DAPP1: variants seen among roughly 807,000 people sequenced by gnomAD.
The protein encoded by DAPP1 is dual adapter for phosphotyrosine and 3-phosphotyrosine and 3-phosphoinositide.
A neutral mutation model predicts 41.5 loss-of-function variants in DAPP1; 20 were observed. The observed-to-expected ratio is 0.48, with a 90% CI of 0.34 to 0.70. The LOEUF (loss-of-function observed/expected upper bound fraction) is 0.70. Among genes scored for constraint, DAPP1 ranks in the 30% least tolerant of loss-of-function variants. The pLI, the probability that DAPP1 is intolerant of heterozygous loss-of-function variation, is 0.01. For synonymous variants in DAPP1, 113 were observed against 116.2 expected, an observed-to-expected ratio of 0.97 and a Z score of 0.18; for missense variants, 233 against 333.4, an observed-to-expected ratio of 0.70 and a Z score of 2.35.
intron 3 of DAPP1, chr4:99,844,189 C>G (rs1173071729): frequency 6.6e-6 from 1 of 152,116 alleles, no homozygotes; most frequent in Non-Finnish European, 1.5e-5. Context: ...AAGAGGGAAA[C>G]AGGGAAGCTA....
chr4:99,823,831 TA>T (rs1429064763), intron 1 of DAPP1, among the ~76,000 whole-genome samples: 5 of 152,076 alleles, frequency 3.3e-5, no homozygotes, highest in Admixed American at 3.3e-4. Flanking sequence ...ACTAGAGTGC[TA>T]ACCCGGGAAT....
intron 1 of DAPP1, among the ~76,000 whole-genome samples, chr4:99,823,291 A>G (rs1032258142): frequency 3.9e-5 from 6 of 152,042 alleles, no homozygotes; most frequent in African/African-American, 1.4e-4. Flanking sequence ...GTATATCTGA[A>G]TTTATTTATA....
chr4:99,858,112 G>A (rs1354179983), intron 4 of DAPP1, among the ~76,000 whole-genome samples: 2 of 152,108 alleles, frequency 1.3e-5, no homozygotes, highest in East Asian at 3.9e-4. Context: ...AATTAACATT[G>A]AGGCTGTGCC....
chr4:99,852,405 T>A (rs4699388), intron 3 of DAPP1, among the ~76,000 whole-genome samples: 13,308 of 152,206 alleles, frequency 0.087, 624 homozygotes, highest in Non-Finnish European at 0.11. Flanking sequence ...ATTGACTGAT[T>A]GATTGAGGGA....
chr4:99,835,397 T>C (rs986067885), intron 1 of DAPP1, among the ~76,000 whole-genome samples: 3 of 152,106 alleles, frequency 2.0e-5, no homozygotes, highest in Admixed American at 6.5e-5. Context: ...ACATAAGAAC[T>C]TTCAGGACAC....
intron 1 of DAPP1, among the ~76,000 whole-genome samples, chr4:99,818,579 C>A (rs971795121): frequency 6.6e-6 from 1 of 152,090 alleles, no homozygotes; most frequent in African/African-American, 2.4e-5. Context: ...ATGATGTCAA[C>A]AGCAAGAAGC....
intron 1 of DAPP1, among the ~76,000 whole-genome samples, chr4:99,832,723 T>C (rs530359229): frequency 6.6e-6 from 1 of 152,374 alleles, no homozygotes; most frequent in East Asian, 1.9e-4. Flanking sequence ...TAAAACATTA[T>C]TAGTAAAAAC....
chr4:99,868,074 C>A, intron 8 of DAPP1, 43 bp from the exon 9 acceptor site: 1 of 1,533,938 alleles, frequency 6.5e-7, no homozygotes, highest in Non-Finnish European at 9.0e-7. Flanking sequence ...GGGTTCATTA[C>A]AATCACTCAA....
intron 5 of DAPP1, among the ~76,000 whole-genome samples, chr4:99,862,648 A>G (rs553724349): frequency 7.7e-4 from 118 of 152,304 alleles, no homozygotes; most frequent in Non-Finnish European, 1.2e-3. Context: ...GTGGTTTGTT[A>G]TAAGTCACAT....
rs183573291 is a variant in DAPP1 at position 99,838,967 on chromosome 4, G to A, written c.225-1322G>A. On this transcript the variant is annotated intron_variant, in intron 2 of 8. Coordinates refer to ENST00000512369, the MANE Select transcript of DAPP1 (RefSeq NM_014395.3). ...GGTGGTACTTGAACTGCACCTTAAT[G>A]AGTGGCTGGGATTTCTACCAGCAGA... is the stretch of plus-strand genomic sequence containing the variant. Among the ~76,000 whole-genome samples the A allele has an allele frequency of 9.2e-5, 14 of 152,304 alleles. No individual in the cohort carries two copies. In the East Asian group the frequency reaches 2.7e-3, roughly 29 times the overall value.
At chr4:99,823,774 C>T (rs1578342312) in intron 1 of DAPP1, among the ~76,000 whole-genome samples, 1 of 152,044 alleles carries the variant, frequency 6.6e-6, no homozygotes, top group Non-Finnish European at 1.5e-5. Flanking sequence ...GGGGCTAGAG[C>T]CAAGATAGTG....
chr4:99,847,783 G>A (rs992032454), intron 3 of DAPP1, among the ~76,000 whole-genome samples: 3 of 148,210 alleles, frequency 2.0e-5, no homozygotes, highest in South Asian at 2.1e-4. Flanking sequence ...AGAGTCTGTG[G>A]TAGCGACAGT....
At chr4:99,856,959 T>C (rs1214283705) in intron 4 of DAPP1, among the ~76,000 whole-genome samples, 1 of 152,190 alleles carries the variant, frequency 6.6e-6, no homozygotes, top group Non-Finnish European at 1.5e-5. Flanking sequence ...TGAAGGGAAA[T>C]ATTTCTTTAT....
At chr4:99,842,852 CTTT>C (rs1297681743) in intron 3 of DAPP1, among the ~76,000 whole-genome samples, 4 of 137,632 alleles carry the variant, frequency 2.9e-5, no homozygotes, top group Non-Finnish European at 4.7e-5. Context: ...ATATTTCTTT[CTTT>C]TTTTTTTTTT....
At chr4:99,846,965 A>T (rs757436249) in intron 3 of DAPP1, among the ~76,000 whole-genome samples, 1 of 152,180 alleles carries the variant, frequency 6.6e-6, no homozygotes, top group Non-Finnish European at 1.5e-5. Flanking sequence ...CAAGAAATCT[A>T]CTTCTCATTG....
chr4:99,860,427 C>T (rs1393901109), intron 4 of DAPP1, among the ~76,000 whole-genome samples: 1 of 152,196 alleles, frequency 6.6e-6, no homozygotes, highest in Admixed American at 6.5e-5. Context: ...ATTCCTATAA[C>T]ACCTGAATTC....
At chr4:99,858,533 C>T (rs1010996261) in intron 4 of DAPP1, among the ~76,000 whole-genome samples, 5 of 152,082 alleles carry the variant, frequency 3.3e-5, no homozygotes. Flanking sequence ...TCACCATATT[C>T]CCTTTGTTAT....
chr4:99,858,255 A>C (rs967659559), intron 4 of DAPP1, among the ~76,000 whole-genome samples: 22 of 152,352 alleles, frequency 1.4e-4, no homozygotes, highest in African/African-American at 5.1e-4. Context: ...ACTTTGGAAC[A>C]CTTCCTCAGT....
In DAPP1 at chr4:99,816,928, A is replaced by G; in HGVS notation, c.15A>G (p.Glu5=). The change falls in exon 1 of 9, where the codon GAA becomes GAG. Residue 5 remains glutamate (E), a synonymous_variant. Coordinates refer to ENST00000512369, the MANE Select transcript of DAPP1 (RefSeq NM_014395.3). ...GAAGGGCGCGAATGGGCAGAGCAGA[A>G]CTTCTAGAAGGGAAGATGAGCACCC... MGRA[E]LLEGKMSTQD... The G allele has an allele frequency of 6.2e-7, 1 of 1,608,036 alleles. No individual in the cohort carries two copies. Among genetic ancestry groups the G allele is most frequent in the African/African-American group, 1.3e-5 (1 of 74,936 alleles).
Sources: gnomAD v4.1 joint callset for allele counts (sites outside exome capture counted in the v4.1 genomes callset) on GRCh38, gnomAD v4.1.1 for gene constraint, MANE v1.5 for transcripts, NCBI Gene and HGNC (gene_info 2026-07-23, HGNC 2026-07-21) for gene names.